EZH2: variants seen among roughly 807,000 people sequenced by gnomAD.
EZH2 encodes enhancer of zeste 2 polycomb repressive complex 2 subunit.
EZH2 carries 18 observed loss-of-function variants against 98.4 expected under a neutral mutation model. The observed-to-expected ratio is 0.18, with a 90% CI of 0.13 to 0.27. EZH2 has a LOEUF of 0.27. Among genes scored for constraint, EZH2 ranks in the 10% least tolerant of loss-of-function variants. The probability of loss-of-function intolerance (pLI) is 1.00; values close to 1 mark genes in which losing one functional copy is unlikely to be tolerated. For synonymous variants in EZH2, 338 were observed against 312.3 expected (o/e 1.08, Z -0.87); for missense variants, 470 against 935.1 (o/e 0.50, Z 6.49).
intron 9 of EZH2, 25 bp downstream of exon 9, chr7:148,819,571 G>A: frequency 6.3e-7 from 1 of 1,591,110 alleles, no homozygotes; most frequent in Non-Finnish European, 8.6e-7. Context: ...AGTACCCTCT[G>A]CAATAATTAG....
chr7:148,861,819 A>AAAAATT (rs1563056355), intron 1 of EZH2, among the ~76,000 whole-genome samples: 1 of 151,636 alleles, frequency 6.6e-6, no homozygotes, highest in Non-Finnish European at 1.5e-5. Context: ...AAAAAAAAAA[A>AAAAATT]AATTAATTAG....
chr7:148,809,054 A>C lies in EZH2; in HGVS notation c.2195+17T>G. 6.2e-7 allele frequency: 1 copy of C among 1,608,620 alleles called. No individual in the cohort carries two copies. ...AAAAAGCCCTTAGAGATCATGCTAG[A>C]AATGTACTTTACCAACCTGTAATCA... On this transcript the variant is annotated intron_variant, in intron 19 of 19. Coordinates refer to ENST00000320356, the MANE Select transcript of EZH2 (RefSeq NM_004456.5).
chr7:148,860,750 C>T (rs1202839513), intron 1 of EZH2, among the ~76,000 whole-genome samples: 1 of 152,206 alleles, frequency 6.6e-6, no homozygotes, highest in Non-Finnish European at 1.5e-5. Context: ...CGGCTCACTA[C>T]AGCCTCGCCC....
chr7:148,870,973 A>G (rs1039594432), intron 1 of EZH2, among the ~76,000 whole-genome samples: 1 of 152,180 alleles, frequency 6.6e-6, no homozygotes, highest in African/African-American at 2.4e-5. Context: ...ATATTTTATA[A>G]TAGTCATAAG....
At chr7:148,869,954 C>T (rs1055556933) in intron 1 of EZH2, among the ~76,000 whole-genome samples, 1 of 152,208 alleles carries the variant, frequency 6.6e-6, no homozygotes, top group Non-Finnish European at 1.5e-5. Flanking sequence ...GGCATGATGG[C>T]TCATGCCTGT....
At chr7:148,822,815 G>A (rs962333267) in intron 8 of EZH2, among the ~76,000 whole-genome samples, 3 of 151,830 alleles carry the variant, frequency 2.0e-5, no homozygotes, top group Non-Finnish European at 1.5e-5. Flanking sequence ...GGTGGTGCGC[G>A]CCTGTAATCC....
At chr7:148,815,463 G>T (rs371038536) in intron 13 of EZH2, 43 bp downstream of exon 13, 4 of 1,571,130 alleles carry the variant, frequency 2.5e-6, no homozygotes, top group Non-Finnish European at 3.5e-6. Context: ...AAACAAAGCA[G>T]ATATTGTTAA....
intron 1 of EZH2, among the ~76,000 whole-genome samples, chr7:148,851,001 GTAAC>G (rs1354846867): frequency 2.0e-5 from 3 of 152,118 alleles, no homozygotes; most frequent in Admixed American, 6.6e-5. Context: ...GTTTGAATGA[GTAAC>G]TAAAACCTTA....
At chr7:148,837,088 C>T (rs1193199501) in intron 3 of EZH2, 2 of 425,824 alleles carry the variant, frequency 4.7e-6, no homozygotes, top group South Asian at 1.9e-5. Flanking sequence ...CTTTAAATTT[C>T]ACAACTACCC....
intron 1 of EZH2, among the ~76,000 whole-genome samples, chr7:148,853,380 C>G (rs1224874106): frequency 6.6e-6 from 1 of 152,150 alleles, no homozygotes; most frequent in Non-Finnish European, 1.5e-5. Context: ...CCACTGCACT[C>G]CAGCCTAGGC....
intron 2 of EZH2, 109 bp downstream of exon 2, chr7:148,847,073 T>A (rs1814350533): frequency 7.6e-7 from 1 of 1,315,798 alleles, no homozygotes; most frequent in African/African-American, 1.5e-5. Context: ...CATCTTATTG[T>A]AAATACAAAC....
At chr7:148,873,549 T>C (rs955924215) in intron 1 of EZH2, among the ~76,000 whole-genome samples, 2 of 141,780 alleles carry the variant, frequency 1.4e-5, no homozygotes, top group Non-Finnish European at 3.0e-5. Context: ...AATCATTTCA[T>C]GCTCTTCATT....
chr7:148,836,705 T>C (rs943772008), intron 3 of EZH2: 3 of 385,020 alleles, frequency 7.8e-6, no homozygotes, highest in African/African-American at 6.3e-5. Context: ...TCATCATCAA[T>C]GGTTTAAAAA....
chr7:148,828,683 T>G, intron 6 of EZH2, 57 bp downstream of exon 6: 1 of 1,566,388 alleles, frequency 6.4e-7, no homozygotes, highest in South Asian at 1.2e-5. Context: ...CTACTCTTTC[T>G]ACTGTTTTTG....
In EZH2 at chr7:148,809,271, T is replaced by G. The variant is rs10268879; in HGVS notation, c.2110+39A>C. ...GTATTCAAGTCCATCATCACAGGAC[T>G]GAAAAGGGAGTTCCAATTCTCACGT... is the stretch of plus-strand genomic sequence containing the variant. On this transcript the variant is annotated intron_variant, in intron 18 of 19. Transcript: ENST00000320356. 138,451 of 1,588,490 alleles carry G rather than the reference T, an allele frequency of 0.087. 8,252 individuals carry two copies. Among genetic ancestry groups the G allele is most frequent in the African/African-American group, 0.29 (21,764 of 74,478 alleles).
At chr7:148,874,512 T>C (rs527729880) in intron 1 of EZH2, among the ~76,000 whole-genome samples, 1 of 152,132 alleles carries the variant, frequency 6.6e-6, no homozygotes, top group Non-Finnish European at 1.5e-5. Context: ...TCCACAGCCA[T>C]GAGAAGACTG....
At position 148,847,201 on chromosome 7, in the gene EZH2, C is replaced by T. The variant is rs1196167328; in HGVS notation, c.98G>A (p.Arg33Lys). The T allele has an allele frequency of 8.7e-6, 14 of 1,612,240 alleles. No homozygotes were observed. The Admixed American group carries it at 2.4e-4, about 27-fold the overall frequency. The change falls in exon 2 of 20, where the codon AGA becomes AAA. Residue 33 changes from arginine (R) to lysine (K), a missense_variant. Physicochemically the swap from Arg to Lys is conservative, Grantham distance 26. This residue lies in a region of EZH2 where 79 missense variants were observed against 122.1 expected (regional missense o/e 0.65). Transcript: ENST00000320356. ...TTATACCTTTACTTCATCAGCTCGTCTGAACCTCTTGAGCTGTCTCAGTCG... is the reference window on the plus strand; with the variant it reads ...TTATACCTTTACTTCATCAGCTCGTTTGAACCTCTTGAGCTGTCTCAGTCG... ...YMRLRQLKRFRRADEVKSMFS... is the reference protein window; with the variant it reads ...YMRLRQLKRFKRADEVKSMFS...
At chr7:148,814,809 A>G (rs1804120245) in intron 14 of EZH2, 105 bp downstream of exon 14, 2 of 1,364,568 alleles carry the variant, frequency 1.5e-6, no homozygotes, top group Admixed American at 2.3e-5. Context: ...AGTTTCGTCA[A>G]GTAAACAAGG....
At chr7:148,861,339 G>A (rs1403910467) in intron 1 of EZH2, among the ~76,000 whole-genome samples, 1 of 151,114 alleles carries the variant, frequency 6.6e-6, no homozygotes, top group Admixed American at 6.6e-5. Context: ...CGATTCTCCT[G>A]TCTCAGCCTC....
Sources: gnomAD v4.1 joint callset for allele counts (sites outside exome capture counted in the v4.1 genomes callset) on GRCh38, gnomAD v4.1.1 for gene constraint, gnomAD v4.1.1 regional missense constraint, MANE v1.5 for transcripts, NCBI Gene and HGNC (gene_info 2026-07-23, HGNC 2026-07-21) for gene names.